The following FAM13B variants were observed in gnomAD, a reference collection of about 807,000 sequenced individuals.
FAM13B encodes the protein protein FAM13B.
Under a neutral mutation model 117.3 loss-of-function variants are expected in FAM13B, and 60 were observed. The observed-to-expected ratio is 0.51, with a 90% confidence interval of 0.42 to 0.63. FAM13B has a LOEUF of 0.63. Among genes scored for constraint, FAM13B ranks in the 30% least tolerant of loss-of-function variants. FAM13B has a pLI of 0.00. For missense variants in FAM13B, 972 were observed against 1,091.9 expected (o/e 0.89, Z 1.55); for synonymous variants, 332 against 356.1 (o/e 0.93, Z 0.76).
chr5:137,988,259 A>T lies in FAM13B; in HGVS notation c.890+15T>A, dbSNP rs1485377123. The T allele has an allele frequency of 3.3e-6, 5 of 1,531,542 alleles. No individual in the cohort carries two copies. Among genetic ancestry groups the T allele is most frequent in the Non-Finnish European group, 4.4e-6 (5 of 1,148,048 alleles). 94.9% of individuals were successfully genotyped at this position (1,531,542 alleles called of 1,614,324 possible). On this transcript the variant is annotated intron_variant, in intron 8 of 23. Transcript: ENST00000689681. ...AAAATCTTAAAAATTTGTCTTCTAT[A>T]AATATACTACTTACTCTGTAGAGGC...
chr5:138,003,453 C>T (rs889016400), intron 7 of FAM13B, among the ~76,000 whole-genome samples: 1 of 152,156 alleles, frequency 6.6e-6, no homozygotes, highest in African/African-American at 2.4e-5. Flanking sequence ...AATCTTTATA[C>T]ACTTTATCAG....
intron 15 of FAM13B, 152 bp from the exon 16 acceptor site, chr5:137,953,617 G>A (rs1337825496): frequency 1.3e-6 from 1 of 756,502 alleles, no homozygotes; most frequent in African/African-American, 1.7e-5. Flanking sequence ...AAGAAACACT[G>A]TAATGTTACA....
chr5:138,029,412 T>C (rs1789320356), intron 1 of FAM13B, among the ~76,000 whole-genome samples: 1 of 152,230 alleles, frequency 6.6e-6, no homozygotes, highest in Admixed American at 6.5e-5. Flanking sequence ...GCTGGAAATG[T>C]TTTGCAGTTG....
At position 137,949,146 on chromosome 5, in the gene FAM13B, G is replaced by C. The variant is rs1764223246; in HGVS notation, c.1969C>G (p.Gln657Glu). ...HKNSDGEFVP[Q>E]TRPRSNTLPK... ...AGTGTGTTACTACGTGGACGTGTCT[G>C]AGGTACAAATTCTCCATCAGAATTT... The change falls in exon 18 of 24, where the codon CAG (glutamine) becomes GAG (glutamate). Residue 657 changes from glutamine to glutamate, a missense_variant. By Grantham distance (29) the Gln-to-Glu change is conservative. Coordinates refer to ENST00000689681, the MANE Select transcript of FAM13B (RefSeq NM_001385994.1). 1.9e-6 allele frequency: 3 copies of C among 1,614,108 alleles called. No individual in the cohort carries two copies. The South Asian group carries it at 3.3e-5, about 18-fold the overall frequency.
chr5:137,975,132 G>T (rs1773537880), intron 10 of FAM13B, among the ~76,000 whole-genome samples: 1 of 152,022 alleles, frequency 6.6e-6, no homozygotes, highest in African/African-American at 2.4e-5. Context: ...GCTCTATCTA[G>T]CCTTACACTT....
chr5:138,034,767 C>T (rs1413541942), upstream of FAM13B, among the ~76,000 whole-genome samples: 2 of 152,110 alleles, frequency 1.3e-5, no homozygotes, highest in African/African-American at 4.8e-5. Flanking sequence ...TAAATGAAAG[C>T]TTTACCTGTG....
intron 1 of FAM13B, among the ~76,000 whole-genome samples, chr5:138,041,377 A>G (rs1430923837): frequency 6.6e-6 from 1 of 152,192 alleles, no homozygotes; most frequent in Non-Finnish European, 1.5e-5. Context: ...AAGTATTAGA[A>G]GGCTTTGTAT....
rs1761201545 is a variant in FAM13B at position 137,940,123 on chromosome 5, T to C, written c.*102A>G. ...CAACCAAGTACAAAATGAGATTCTC[T>C]GAGTGCCTGACAAAACGAATTTAAG... is the stretch of plus-strand genomic sequence containing the variant. On this transcript the variant is annotated 3_prime_UTR_variant, in exon 24 of 24. Coordinates refer to ENST00000689681, the MANE Select transcript of FAM13B (RefSeq NM_001385994.1). 1.2e-6 allele frequency: 2 copies of C among 1,614,110 alleles called. No individual in the cohort carries two copies. Among genetic ancestry groups the C allele is most frequent in the East Asian group, 2.2e-5 (1 of 44,876 alleles).
Position 138,021,204 on chromosome 5 carries a change from G to A in FAM13B, c.-202-7C>T. The A allele has an allele frequency of 1.6e-6, 2 of 1,231,390 alleles. No individual in the cohort carries two copies. Among genetic ancestry groups the A allele is most frequent in the Non-Finnish European group, 2.0e-6 (2 of 987,704 alleles). The allele number at this position is 1,231,390 out of a possible 1,614,324, so 76.3% of individuals were successfully genotyped here. On this transcript the variant is annotated splice_polypyrimidine_tract_variant and splice_region_variant and intron_variant, in intron 1 of 23. Transcript: ENST00000689681. The stretch of plus-strand genomic sequence containing the variant: ...CAGTACTTCAGCAGTTAATCTACAA[G>A]ACAAAAACAATTATTTCAATTTCCC...
chr5:137,977,090 C>A (rs1774245992), intron 10 of FAM13B, among the ~76,000 whole-genome samples: 1 of 152,124 alleles, frequency 6.6e-6, no homozygotes, highest in Non-Finnish European at 1.5e-5. Flanking sequence ...GAGGGTAGGT[C>A]TCTGAAATGG....
In FAM13B at chr5:137,942,150, G is replaced by C; in HGVS notation, c.2589-105C>G. On this transcript the variant is annotated intron_variant, in intron 22 of 23. Coordinates refer to ENST00000689681, the MANE Select transcript of FAM13B (RefSeq NM_001385994.1). ...ATTAAAAGTGGCTGGGGAACTGTTA[G>C]GTCTACCAATGCCTAAGCTCCACTG... 1.6e-5 allele frequency: 14 copies of C among 868,602 alleles called. No homozygotes were observed. The South Asian group carries it at 2.2e-4, about 14-fold the overall frequency. 53.8% of individuals were successfully genotyped at this position (868,602 alleles called of 1,614,324 possible). A position where few individuals can be genotyped will look rare whatever the true frequency, so the allele number is the denominator to read the frequency against.
chr5:138,020,923 C>G, intron 2 of FAM13B, 108 bp downstream of exon 2: 1 of 649,188 alleles, frequency 1.5e-6, no homozygotes, highest in Non-Finnish European at 2.2e-6. Flanking sequence ...CTGGTGCCAG[C>G]TAAGAACTAT....
chr5:137,942,336 T>C (rs1032276320), intron 22 of FAM13B: 20 of 342,528 alleles, frequency 5.8e-5, no homozygotes, highest in Non-Finnish European at 1.0e-4. Flanking sequence ...TTCCTGTACT[T>C]TGTTATAAAT....
At chr5:138,043,033 A>G (rs909039419) in intron 1 of FAM13B, among the ~76,000 whole-genome samples, 1 of 152,142 alleles carries the variant, frequency 6.6e-6, no homozygotes, top group Non-Finnish European at 1.5e-5. Context: ...TGGAGGTTAC[A>G]GTGAGCTGAG....
At chr5:138,003,289 A>G (rs970398953) in intron 7 of FAM13B, among the ~76,000 whole-genome samples, 9 of 152,172 alleles carry the variant, frequency 5.9e-5, no homozygotes, top group African/African-American at 1.9e-4. Context: ...TCAAGAGAAG[A>G]GTTAAATTAT....
intron 7 of FAM13B, among the ~76,000 whole-genome samples, chr5:138,001,740 G>A (rs4434373): frequency 0.42 from 64,331 of 151,970 alleles, 14,491 homozygotes; most frequent in East Asian, 0.6. Flanking sequence ...AGGATGAGGA[G>A]GTTATCACTG....
rs1376175169 is a variant in FAM13B at position 137,973,353 on chromosome 5, T to G, written c.1180-10884A>C. ...TGACAAACCTGACAAAAACAAGCAA[T>G]GGGGAAAGGATTCCCTATTTAATAA... On this transcript the variant is annotated intron_variant, in intron 10 of 23. Transcript: ENST00000689681. 3.3e-5 allele frequency among the ~76,000 whole-genome samples: 5 copies of G among 151,644 alleles called. No homozygotes were observed. The Admixed American group carries it at 3.3e-4, about 10-fold the overall frequency.
Position 137,940,443 on chromosome 5 carries a change from T to A in FAM13B, c.2691-95A>T, listed in dbSNP as rs10070991. 1.0e-3 allele frequency: 731 copies of A among 711,930 alleles called. 4 individuals carry two copies. In the African/African-American group the frequency reaches 0.012, roughly 12 times the overall value. 44.1% of individuals were successfully genotyped at this position (711,930 alleles called of 1,614,324 possible). Reference sequence around the variant, plus strand: ...ATATGAGACATACTGTTACTAAACATAAGTTCAAATAAAAAGTTGTTCTGT... The same window carrying A: ...ATATGAGACATACTGTTACTAAACAAAAGTTCAAATAAAAAGTTGTTCTGT... On this transcript the variant is annotated intron_variant, in intron 23 of 23. Coordinates refer to ENST00000689681, the MANE Select transcript of FAM13B (RefSeq NM_001385994.1).
chr5:138,027,334 G>T (rs754192465), intron 1 of FAM13B, among the ~76,000 whole-genome samples: 1 of 152,166 alleles, frequency 6.6e-6, no homozygotes, highest in Non-Finnish European at 1.5e-5. Context: ...GGTATACAAA[G>T]TCAGAAAAGC....
Sources: allele counts gnomAD v4.1 joint callset (sites outside exome capture counted in the v4.1 genomes callset), GRCh38; gene constraint gnomAD v4.1.1; transcripts MANE v1.5; gene names NCBI Gene and HGNC (gene_info 2026-07-23, HGNC 2026-07-21).